MECOM: variants seen among roughly 807,000 people sequenced by gnomAD.
MECOM encodes the protein MDS1 and EVI1 complex locus, also known as histone-lysine N-methyltransferase MECOM.
Under a neutral mutation model 116.3 loss-of-function variants are expected in MECOM, and 13 were observed. The ratio of observed to expected loss-of-function variants is 0.11; its 90% confidence interval spans 0.07 to 0.18. The LOEUF (loss-of-function observed/expected upper bound fraction) is 0.18, where lower values mean the gene tolerates loss of function less well. MECOM is among the 10% of genes least tolerant of loss of function. MECOM has a pLI of 1.00. For synonymous variants in MECOM, 528 were observed against 535.2 expected (o/e 0.99, Z 0.19); for missense variants, 1,299 against 1,509.0 (o/e 0.86, Z 2.31).
intron 1 of MECOM, among the ~76,000 whole-genome samples, chr3:169,557,938 A>G (rs539151811): frequency 1.3e-5 from 2 of 152,370 alleles, no homozygotes; most frequent in African/African-American, 4.8e-5. Flanking sequence ...TATGTACTTA[A>G]GGCTTGGCTA....
At position 169,208,207 on chromosome 3, in the gene MECOM, ATGTGTG is replaced by A. The variant is rs147356930; in HGVS notation, c.376-64381_376-64376del. On this transcript the variant is annotated intron_variant, in intron 2 of 16. Coordinates refer to ENST00000651503, the MANE Select transcript of MECOM (RefSeq NM_004991.4). ...GTCTTCTAGTCAGCAATATATATAT[ATGTGTG>A]TGTGTGTGTGTGTGTATATTTATAT... 2.0e-4 allele frequency among the ~76,000 whole-genome samples: 30 copies of A among 147,962 alleles called. No homozygotes were observed. In the East Asian group the frequency reaches 5.5e-3, roughly 27 times the overall value.
At chr3:169,139,086 T>C (rs1737290597) in intron 3 of MECOM, among the ~76,000 whole-genome samples, 1 of 152,096 alleles carries the variant, frequency 6.6e-6, no homozygotes. Flanking sequence ...CTTGTTGCCG[T>C]TCATTAACCA....
At chr3:169,377,834 A>C (rs945475056) in intron 2 of MECOM, among the ~76,000 whole-genome samples, 8 of 152,190 alleles carry the variant, frequency 5.3e-5, no homozygotes, top group Non-Finnish European at 1.5e-5. Context: ...ATATACCCAA[A>C]GGATTATAAA....
chr3:169,534,462 T>C (rs1001791357), intron 1 of MECOM, among the ~76,000 whole-genome samples: 1 of 152,142 alleles, frequency 6.6e-6, no homozygotes, highest in Non-Finnish European at 1.5e-5. Flanking sequence ...GGTAGTGGCA[T>C]CTTTCACTGT....
chr3:169,605,100 A>G (rs1459321743), intron 1 of MECOM, among the ~76,000 whole-genome samples: 1 of 152,132 alleles, frequency 6.6e-6, no homozygotes, highest in African/African-American at 2.4e-5. Context: ...TCTGAGTGGG[A>G]GGTTTAGTCA....
intron 2 of MECOM, among the ~76,000 whole-genome samples, chr3:169,173,311 A>T (rs1170107039): frequency 6.6e-6 from 1 of 152,044 alleles, no homozygotes; most frequent in African/African-American, 2.4e-5. Context: ...ATTTCCTCCA[A>T]GATTTTATCC....
rs1446556089 is a variant in MECOM at position 169,125,848 on chromosome 3, C to T, written c.830+1996G>A. Among the ~76,000 whole-genome samples the T allele has an allele frequency of 2.0e-5, 3 of 152,018 alleles. No homozygotes were observed. In the Middle Eastern group the frequency reaches 0.01, roughly 517 times the overall value. On this transcript the variant is annotated intron_variant, in intron 5 of 16. Transcript: ENST00000651503. ...TTGCTCCTATTTTTTTGTTTGCATT[C>T]TTTTCTCAAGATTTTACATAAAGGA... is the stretch of plus-strand genomic sequence containing the variant.
chr3:169,643,061 G>T (rs1035301511), intron 1 of MECOM, among the ~76,000 whole-genome samples: 1 of 152,178 alleles, frequency 6.6e-6, no homozygotes, highest in Non-Finnish European at 1.5e-5. Context: ...ATCTACAAAT[G>T]GTTACTGCAA....
intron 2 of MECOM, among the ~76,000 whole-genome samples, chr3:169,152,251 TA>T (rs1390858015): frequency 7.2e-5 from 11 of 152,062 alleles, no homozygotes; most frequent in African/African-American, 1.2e-4. Context: ...TTTAAATTAT[TA>T]TTTTTTTTAT....
chr3:169,191,695 GAT>G (rs1438020337), intron 2 of MECOM, among the ~76,000 whole-genome samples: 1 of 110,726 alleles, frequency 9.0e-6, no homozygotes, highest in African/African-American at 3.6e-5. Flanking sequence ...AAGAAAAAGA[GAT>G]AGAAAAGAAA....
intron 2 of MECOM, among the ~76,000 whole-genome samples, chr3:169,211,035 C>T (rs1264233044): frequency 2.0e-5 from 3 of 152,100 alleles, no homozygotes; most frequent in Non-Finnish European, 4.4e-5. Context: ...GATATTTGTG[C>T]AGTTTCAATG....
chr3:169,467,851 G>C (rs1748556857), intron 1 of MECOM, among the ~76,000 whole-genome samples: 1 of 152,176 alleles, frequency 6.6e-6, no homozygotes, highest in Admixed American at 6.5e-5. Flanking sequence ...CAATAGGAAA[G>C]AAAATTGAGA....
chr3:169,155,183 C>T (rs73167985), intron 2 of MECOM, among the ~76,000 whole-genome samples: 12,102 of 152,264 alleles, frequency 0.079, 592 homozygotes, highest in South Asian at 0.21. Flanking sequence ...AAGTTGGTTA[C>T]TTAACACTAT....
At chr3:169,601,305 C>T (rs1299906842) in intron 1 of MECOM, among the ~76,000 whole-genome samples, 1 of 152,156 alleles carries the variant, frequency 6.6e-6, no homozygotes, top group Admixed American at 6.6e-5. Flanking sequence ...TCTTTCAGAA[C>T]CAGGGGGAAA....
chr3:169,357,866 G>T (rs1307848842), intron 2 of MECOM, among the ~76,000 whole-genome samples: 1 of 151,764 alleles, frequency 6.6e-6, no homozygotes, highest in Non-Finnish European at 1.5e-5. Flanking sequence ...AGGAAAAGAA[G>T]TCTATCATTT....
Position 169,093,060 on chromosome 3 carries a change from C to T in MECOM, c.3062G>A (p.Gly1021Asp). The change falls in exon 14 of 17, where the codon GGT (glycine) becomes GAT (aspartate). Residue 1021 changes from glycine to aspartate, a missense_variant. Gly to Asp is a moderately conservative substitution (Grantham distance 94). Around this residue, in one of 6 missense-constraint regions of MECOM, gnomAD observed 273 missense variants for 289.3 expected, o/e 0.94. Transcript: ENST00000651503. ...ATCTTCTTTGTCATCCAGAATCGCA[C>T]CTGTACTTTCCAGTTCAGAATGAGG... ...SSPHSELEST[G>D]AILDDKEDAY... The T allele has an allele frequency of 1.9e-6, 3 of 1,613,584 alleles. No individual in the cohort carries two copies. Among genetic ancestry groups the T allele is most frequent in the Non-Finnish European group, 2.5e-6 (3 of 1,179,714 alleles).
chr3:169,369,371 G>A (rs1297256243), intron 2 of MECOM, among the ~76,000 whole-genome samples: 1 of 111,892 alleles, frequency 8.9e-6, no homozygotes, highest in African/African-American at 3.7e-5. Context: ...TTTTGAGACA[G>A]GGTCTTGCTT....
chr3:169,195,328 G>A (rs374242562), intron 2 of MECOM, among the ~76,000 whole-genome samples: 6 of 152,034 alleles, frequency 3.9e-5, no homozygotes, highest in South Asian at 2.1e-4. Context: ...GCCAGTGACC[G>A]TCATATTGAG....
chr3:169,212,087 G>A (rs1750795236), intron 2 of MECOM, among the ~76,000 whole-genome samples: 1 of 151,946 alleles, frequency 6.6e-6, no homozygotes, highest in South Asian at 2.1e-4. Context: ...ACTCTCATGG[G>A]GCTTGAGAAA....
Sources: gnomAD v4.1 joint callset for allele counts (sites outside exome capture counted in the v4.1 genomes callset) on GRCh38, gnomAD v4.1.1 for gene constraint, gnomAD v4.1.1 regional missense constraint, MANE v1.5 for transcripts, NCBI Gene and HGNC (gene_info 2026-07-23, HGNC 2026-07-21) for gene names.